The following CCSER1 variants were observed in gnomAD, a reference collection of about 807,000 sequenced individuals.
CCSER1 encodes the protein serine-rich coiled-coil domain-containing protein 1.
A neutral mutation model predicts 82.0 loss-of-function variants in CCSER1; 41 were observed. The observed-to-expected ratio is 0.50, with a 90% CI of 0.39 to 0.65. CCSER1 has a LOEUF of 0.65. Ranked by LOEUF, CCSER1 falls within the 30% of genes least tolerant of loss-of-function variation. The pLI, the probability that CCSER1 is intolerant of heterozygous loss-of-function variation, is 0.00. For synonymous variants in CCSER1, 414 were observed against 383.9 expected (o/e 1.08, Z -0.92); for missense variants, 1,119 against 1,064.2 (o/e 1.05, Z -0.72).
At chr4:90,925,131 G>C (rs761178130) in intron 9 of CCSER1, among the ~76,000 whole-genome samples, 2 of 152,096 alleles carry the variant, frequency 1.3e-5, no homozygotes, top group Non-Finnish European at 2.9e-5. Context: ...GCAAGACAGA[G>C]AGTTTGTTCA....
At chr4:90,184,281 C>T (rs1162768425) in intron 1 of CCSER1, among the ~76,000 whole-genome samples, 1 of 152,078 alleles carries the variant, frequency 6.6e-6, no homozygotes, top group African/African-American at 2.4e-5. Flanking sequence ...ACAGTACTGG[C>T]CAATCCCATA....
At chr4:91,366,963 C>T (rs941957679) in intron 10 of CCSER1, among the ~76,000 whole-genome samples, 1 of 151,700 alleles carries the variant, frequency 6.6e-6, no homozygotes, top group African/African-American at 2.4e-5. Flanking sequence ...ATTAATTCAA[C>T]AGGATAATTA....
Position 91,488,780 on chromosome 4 carries a change from C to T in CCSER1, c.2218-109792C>T, listed in dbSNP as rs189566865. Among the ~76,000 whole-genome samples, 236 of 152,260 alleles carry T rather than the reference C, an allele frequency of 1.5e-3. 1 individual carries two copies. The highest frequency in any genetic ancestry group is 5.4e-3 in the African/African-American group (225 of 41,554). ...CTCTTTTCTTTATAAATTACCCATT[C>T]TCAGGTAGTTCTTTATAGCAGTGCT... On this transcript the variant is annotated intron_variant, in intron 10 of 10. Transcript: ENST00000509176.
At chr4:91,225,361 TTATATATGTAATATATATGATATAATA>T (rs1738103478) in intron 10 of CCSER1, among the ~76,000 whole-genome samples, 17 of 117,658 alleles carry the variant, frequency 1.4e-4, no homozygotes, top group Non-Finnish European at 2.6e-4. Flanking sequence ...TGTATATATA[TTATATATGTAATATATATGATATAATA>T]TATATATTCA....
At chr4:90,718,394 A>G (rs1282376077) in intron 6 of CCSER1, among the ~76,000 whole-genome samples, 1 of 152,114 alleles carries the variant, frequency 6.6e-6, no homozygotes, top group Non-Finnish European at 1.5e-5. Flanking sequence ...TCCATTAATT[A>G]TGCTTTCAGG....
At position 90,831,627 on chromosome 4, in the gene CCSER1, T is replaced by A. The variant is rs191768229; in HGVS notation, c.2094+15782T>A. 8.5e-5 allele frequency among the ~76,000 whole-genome samples: 13 copies of A among 152,298 alleles called. No homozygotes were observed. The East Asian group carries it at 2.5e-3, about 29-fold the overall frequency. ...TGATGTAATTGAACTTAAGGTTGGA[T>A]GAATAGCACTTCATTTCATCCTTGA... On this transcript the variant is annotated intron_variant, in intron 8 of 10. Transcript: ENST00000509176.
At chr4:90,878,250 A>G (rs915275902) in intron 8 of CCSER1, among the ~76,000 whole-genome samples, 9 of 152,150 alleles carry the variant, frequency 5.9e-5, no homozygotes, top group Admixed American at 2.0e-4. Context: ...ATCCTACTCC[A>G]TAACCATGAG....
intron 1 of CCSER1, among the ~76,000 whole-genome samples, chr4:90,149,903 A>G (rs1726489023): frequency 6.6e-6 from 1 of 152,172 alleles, no homozygotes; most frequent in Non-Finnish European, 1.5e-5. Flanking sequence ...GAGTAAAATA[A>G]TAAGAAACTT....
At chr4:90,238,415 G>A (rs1746209854) in intron 1 of CCSER1, among the ~76,000 whole-genome samples, 2 of 152,162 alleles carry the variant, frequency 1.3e-5, no homozygotes, top group Non-Finnish European at 2.9e-5. Context: ...GCTCAGTCTG[G>A]CATTGTACAA....
chr4:91,136,150 G>A (rs1241628152), intron 10 of CCSER1, among the ~76,000 whole-genome samples: 2 of 152,100 alleles, frequency 1.3e-5, no homozygotes, highest in African/African-American at 4.8e-5. Context: ...GAACCTTCCA[G>A]TCCAGTCACC....
intron 10 of CCSER1, among the ~76,000 whole-genome samples, chr4:91,292,405 T>C (rs1743819708): frequency 6.6e-6 from 1 of 152,034 alleles, no homozygotes; most frequent in East Asian, 1.9e-4. Context: ...TTGTCCAAAA[T>C]TATGTTCAAA....
In CCSER1 at chr4:90,449,400, C is replaced by A. The variant is rs533749740; in HGVS notation, c.1604-18834C>A. On this transcript the variant is annotated intron_variant, in intron 4 of 10. Coordinates refer to ENST00000509176, the MANE Select transcript of CCSER1 (RefSeq NM_001145065.2). ...TTCACAAAACTGGCAGCCCAGTTCC[C>A]AGGTTTCAAGCTATTCCCAGATTCA... is the stretch of plus-strand genomic sequence containing the variant. Among the ~76,000 whole-genome samples the A allele has an allele frequency of 2.0e-5, 3 of 152,334 alleles. No homozygotes were observed. In the East Asian group the frequency reaches 5.8e-4, roughly 29 times the overall value.
At chr4:91,327,194 T>C (rs1214096414) in intron 10 of CCSER1, among the ~76,000 whole-genome samples, 1 of 152,180 alleles carries the variant, frequency 6.6e-6, no homozygotes, top group Non-Finnish European at 1.5e-5. Flanking sequence ...CTAGTAGAGT[T>C]TCTCCGTGAG....
chr4:91,043,413 C>A (rs1355150900), intron 9 of CCSER1, among the ~76,000 whole-genome samples: 2 of 151,964 alleles, frequency 1.3e-5, no homozygotes, highest in South Asian at 4.1e-4. Context: ...GGGTCCATTT[C>A]TTATCCCTAG....
intron 1 of CCSER1, among the ~76,000 whole-genome samples, chr4:90,178,832 A>ATT (rs965172598): frequency 1.3e-5 from 2 of 152,166 alleles, no homozygotes; most frequent in Non-Finnish European, 2.9e-5. Flanking sequence ...GCATGTTCAT[A>ATT]TTTTTCAATA....
intron 8 of CCSER1, among the ~76,000 whole-genome samples, chr4:90,841,056 T>C (rs776032754): frequency 6.6e-6 from 1 of 152,202 alleles, no homozygotes; most frequent in Non-Finnish European, 1.5e-5. Flanking sequence ...CTAGAGATAC[T>C]GAGTCAGCAG....
intron 10 of CCSER1, among the ~76,000 whole-genome samples, chr4:91,411,527 A>ATATATATATAT (rs1560650607): frequency 6.5e-5 from 3 of 46,030 alleles, no homozygotes; most frequent in South Asian, 9.1e-4. Context: ...TATATATATA[A>ATATATATATAT]AATCTTGACT....
intron 1 of CCSER1, among the ~76,000 whole-genome samples, chr4:90,281,396 A>T (rs1231425500): frequency 2.6e-5 from 4 of 152,006 alleles, no homozygotes; most frequent in Admixed American, 2.0e-4. Context: ...TATGCTTATT[A>T]CCTGGGTGAT....
intron 7 of CCSER1, among the ~76,000 whole-genome samples, chr4:90,765,390 G>A (rs1370168475): frequency 6.6e-6 from 1 of 152,126 alleles, no homozygotes; most frequent in Non-Finnish European, 1.5e-5. Context: ...TCCTTGGGGA[G>A]CATCCTAATA....
Sources: gnomAD v4.1 joint callset for allele counts (sites outside exome capture counted in the v4.1 genomes callset) on GRCh38, gnomAD v4.1.1 for gene constraint, MANE v1.5 for transcripts, NCBI Gene and HGNC (gene_info 2026-07-23, HGNC 2026-07-21) for gene names.